CHST4: variants seen among roughly 807,000 people sequenced by gnomAD.
The protein encoded by CHST4 is carbohydrate sulfotransferase 4, also known as GST-3.
For synonymous variants in CHST4, 171 were observed against 195.5 expected (o/e 0.87, Z 1.05); for missense variants, 466 against 506.0 (o/e 0.92, Z 0.76).
rs556316904 is a variant in CHST4, at chr16:71,535,572, G to A, written c.-18-1088G>A. On this transcript the variant is annotated intron_variant, in intron 1 of 1. Transcript: ENST00000539698. ...ATTCTTGATGGGATGGCACTCCCTA[G>A]GGTTGTGTGATACACACTTGCCCAA... Among the ~76,000 whole-genome samples the A allele has an allele frequency of 3.3e-5, 5 of 152,158 alleles. No individual in the cohort carries two copies. In the East Asian group the frequency reaches 5.8e-4, roughly 18 times the overall value.
chr16:71,535,164 A>G (rs896805157), intron 1 of CHST4, among the ~76,000 whole-genome samples: 44 of 151,994 alleles, frequency 2.9e-4, no homozygotes, highest in Non-Finnish European at 1.8e-4. Flanking sequence ...TTTTTGTTTT[A>G]TTTTGTTATA....
chr16:71,537,703 G>C lies in CHST4; in HGVS notation c.1026G>C (p.Lys342Asn). The C allele has an allele frequency of 1.2e-6, 2 of 1,614,212 alleles. No homozygotes were observed. Among genetic ancestry groups the C allele is most frequent in the South Asian group, 1.1e-5 (1 of 91,088 alleles). The change falls in exon 2 of 2, where the codon AAG becomes AAC. Residue 342 changes from lysine (K) to asparagine (N), a missense_variant. Coordinates refer to ENST00000539698, the MANE Select transcript of CHST4 (RefSeq NM_001166395.2). The surrounding 1 kb of genome is among the most constrained non-coding windows in gnomAD (Gnocchi z 4.2). Reference sequence around the variant, plus strand: ...GGCGCTGGTCTTTGCCCTATGAAAAGGTTTCTCGACTTCAGAAAGCCTGTG... The same window carrying C: ...GGCGCTGGTCTTTGCCCTATGAAAACGTTTCTCGACTTCAGAAAGCCTGTG... ...QAWRWSLPYE[K>N]VSRLQKACGD...
upstream of CHST4, chr16:71,526,376 T>G (rs2043907373): frequency 6.6e-6 from 1 of 152,272 alleles, no homozygotes; most frequent in Non-Finnish European, 1.5e-5. Flanking sequence ...GTAGGGACGG[T>G]TATGCAAAAG....
At chr16:71,530,769 C>T (rs935650633) in intron 1 of CHST4, among the ~76,000 whole-genome samples, 14 of 147,876 alleles carry the variant, frequency 9.5e-5, no homozygotes, top group East Asian at 2.1e-4. Flanking sequence ...GTGAGACCCC[C>T]GACTCTAAAA....
intron 1 of CHST4, among the ~76,000 whole-genome samples, chr16:71,529,266 T>G (rs1258929943): frequency 1.3e-5 from 2 of 152,128 alleles, no homozygotes; most frequent in Admixed American, 6.5e-5. Context: ...TTTTAATTAA[T>G]GCATGCTTGG....
chr16:71,529,397 C>A (rs189172223), intron 1 of CHST4, among the ~76,000 whole-genome samples: 1 of 152,094 alleles, frequency 6.6e-6, no homozygotes, highest in East Asian at 1.9e-4. Flanking sequence ...GCTCACTGTT[C>A]CATGCAATCA....
intron 1 of CHST4, among the ~76,000 whole-genome samples, chr16:71,533,815 A>C (rs1291683291): frequency 6.6e-6 from 1 of 152,040 alleles, no homozygotes; most frequent in African/African-American, 2.4e-5. Context: ...AGGCTGAGGC[A>C]GGCGGATCAC....
chr16:71,526,316 G>T (rs2043906795), upstream of CHST4: 1 of 152,200 alleles, frequency 6.6e-6, no homozygotes, highest in African/African-American at 2.4e-5. Flanking sequence ...TTGCAAGGTG[G>T]GTCCTTTTTT....
upstream of CHST4, chr16:71,526,270 C>G (rs2043906478): frequency 1.3e-5 from 2 of 152,226 alleles, 1 homozygote; most frequent in Non-Finnish European, 2.9e-5. Context: ...GTTACTTTCA[C>G]AGCTTCCTGG....
intron 1 of CHST4, among the ~76,000 whole-genome samples, chr16:71,535,687 G>A (rs2043981991): frequency 6.6e-6 from 1 of 152,164 alleles, no homozygotes; most frequent in African/African-American, 2.4e-5. Flanking sequence ...AGTGTCCCCA[G>A]TGAGAGTGAT....
chr16:71,529,782 AAG>A (rs1389345858), intron 1 of CHST4, among the ~76,000 whole-genome samples: 1 of 152,104 alleles, frequency 6.6e-6, no homozygotes, highest in African/African-American at 2.4e-5. Context: ...GCCCAGAGAA[AAG>A]AGAGGCACCC....
intron 1 of CHST4, 150 bp from the exon 2 acceptor site, chr16:71,536,510 G>T (rs4149499): frequency 0.068 from 30,891 of 453,466 alleles, 1,919 homozygotes; most frequent in East Asian, 0.24. Context: ...TTTGGAGAAG[G>T]ACTGGTGCCA....
intron 1 of CHST4, among the ~76,000 whole-genome samples, chr16:71,531,528 G>A (rs1055160179): frequency 6.6e-6 from 1 of 152,128 alleles, no homozygotes; most frequent in Non-Finnish European, 1.5e-5. Context: ...CCTGAGAACC[G>A]TGGACAACTA....
chr16:71,528,035 C>T (rs2043920805), intron 1 of CHST4, among the ~76,000 whole-genome samples: 1 of 151,992 alleles, frequency 6.6e-6, no homozygotes, highest in African/African-American at 2.4e-5. Context: ...GTAATCACAG[C>T]ACTATTAGGA....
intron 1 of CHST4, among the ~76,000 whole-genome samples, chr16:71,528,506 C>A (rs924246799): frequency 6.6e-6 from 1 of 152,198 alleles, no homozygotes; most frequent in Non-Finnish European, 1.5e-5. Context: ...AGGTCCAATC[C>A]TCCTGACACT....
At chr16:71,534,940 C>T (rs1482682529) in intron 1 of CHST4, among the ~76,000 whole-genome samples, 2 of 152,152 alleles carry the variant, frequency 1.3e-5, no homozygotes, top group African/African-American at 4.8e-5. Context: ...CAGAAGGTCA[C>T]CCAGAATGAC....
At position 71,537,131 on chromosome 16, in the gene CHST4, T is replaced by C. The variant is rs1049538686; in HGVS notation, c.454T>C (p.Cys152Arg). The change falls in exon 2 of 2, where the codon TGC becomes CGC. Residue 152 changes from cysteine to arginine, a missense_variant. By Grantham distance (180) the Cys-to-Arg change is radical. Coordinates refer to ENST00000539698, the MANE Select transcript of CHST4 (RefSeq NM_001166395.2). This position sits in a 1 kb window ranked among gnomAD's most constrained non-coding sequence, Gnocchi z 4.2. The stretch of plus-strand genomic sequence containing the variant: ...AGATGAAATCATCCCCCGGGCTCAC[T>C]GCAGGCTCCTGTGCAGTCAACAGCC... ...PQDEIIPRAH[C>R]RLLCSQQPFE... The C allele has an allele frequency of 6.2e-7, 1 of 1,614,214 alleles. No homozygotes were observed. Among genetic ancestry groups the C allele is most frequent in the Non-Finnish European group, 8.5e-7 (1 of 1,180,034 alleles).
chr16:71,534,761 C>G (rs2043975395), intron 1 of CHST4, among the ~76,000 whole-genome samples: 1 of 152,014 alleles, frequency 6.6e-6, no homozygotes, highest in Non-Finnish European at 1.5e-5. Context: ...AACAGCTGAC[C>G]CCCAAATCCA....
chr16:71,531,637 G>C (rs902516673), intron 1 of CHST4, among the ~76,000 whole-genome samples: 11 of 152,288 alleles, frequency 7.2e-5, no homozygotes, highest in African/African-American at 2.6e-4. Context: ...GGAGGGTCCA[G>C]AGTCACCAAG....
Sources: gnomAD v4.1 joint callset for allele counts (sites outside exome capture counted in the v4.1 genomes callset) on GRCh38, gnomAD v4.1.1 for gene constraint, Gnocchi (gnomAD v3.1) non-coding constraint, MANE v1.5 for transcripts, NCBI Gene and HGNC (gene_info 2026-07-23, HGNC 2026-07-21) for gene names.